Variants in CDH4 observed in about 807,000 individuals in gnomAD.
CDH4 encodes cadherin 4, also known as cadherin-4.
In CDH4, 33 loss-of-function variants were observed where a neutral mutation model predicts 86.0. That is an observed-to-expected ratio of 0.38 (90% CI 0.29 to 0.51). CDH4 has a LOEUF of 0.51. Among genes scored for constraint, CDH4 ranks in the 20% least tolerant of loss-of-function variants. CDH4 has a pLI of 0.86. For synonymous variants in CDH4, 555 were observed against 549.4 expected (o/e 1.01, Z -0.14); for missense variants, 1,114 against 1,307.4 (o/e 0.85, Z 2.28).
At chr20:61,629,961 G>A (rs536239104) in intron 2 of CDH4, among the ~76,000 whole-genome samples, 1 of 152,342 alleles carries the variant, frequency 6.6e-6, no homozygotes, top group African/African-American at 2.4e-5. Context: ...CTGTGGCTCG[G>A]AGGACAGCTG....
intron 2 of CDH4, among the ~76,000 whole-genome samples, chr20:61,415,539 C>T (rs1476016822): frequency 2.0e-5 from 3 of 152,128 alleles, no homozygotes; most frequent in East Asian, 1.9e-4. Context: ...CAGCCGCACT[C>T]TCCCCCGCCC....
chr20:61,463,589 A>G (rs990129846), intron 2 of CDH4, among the ~76,000 whole-genome samples: 2 of 152,226 alleles, frequency 1.3e-5, no homozygotes, highest in East Asian at 3.9e-4. Flanking sequence ...AGTGAAGACA[A>G]TGGCTTCAAA....
chr20:61,662,640 C>T (rs79092406), intron 2 of CDH4, among the ~76,000 whole-genome samples: 33,179 of 152,108 alleles, frequency 0.22, 4,442 homozygotes, highest in Non-Finnish European at 0.3. Flanking sequence ...GCGTCAAGTG[C>T]ACTCAGTCCC....
intron 6 of CDH4, among the ~76,000 whole-genome samples, chr20:61,867,920 G>A (rs142044801): frequency 5.9e-5 from 9 of 152,196 alleles, no homozygotes; most frequent in Non-Finnish European, 7.3e-5. Flanking sequence ...ATCTCAGAAC[G>A]TCCAGGCTCT....
intron 4 of CDH4, among the ~76,000 whole-genome samples, chr20:61,793,864 T>C (rs111254703): frequency 0.29 from 36,955 of 127,398 alleles, 5,377 homozygotes; most frequent in Middle Eastern, 0.51. Context: ...AGAGGCCAGG[T>C]ACGGTGGCTC....
intron 2 of CDH4, among the ~76,000 whole-genome samples, chr20:61,498,942 TCTC>T (rs1475035101): frequency 1.3e-5 from 2 of 152,142 alleles, no homozygotes; most frequent in African/African-American, 2.4e-5. Context: ...CCCCAGCTTC[TCTC>T]CTCGGAATGA....
At chr20:61,682,362 ATGGATGGATGG>A (rs1260320700) in intron 2 of CDH4, among the ~76,000 whole-genome samples, 2 of 144,862 alleles carry the variant, frequency 1.4e-5, no homozygotes, top group African/African-American at 2.5e-5. Flanking sequence ...GAATGGATGG[ATGGATGGATGG>A]TGGATGGATG....
intron 2 of CDH4, among the ~76,000 whole-genome samples, chr20:61,653,645 T>A (rs1339010548): frequency 0.017 from 945 of 56,210 alleles, 8 homozygotes; most frequent in Middle Eastern, 0.051. Context: ...GCTGCCGGGC[T>A]GAGGGGCTCC....
At chr20:61,587,731 G>A (rs960801413) in intron 2 of CDH4, among the ~76,000 whole-genome samples, 8 of 152,240 alleles carry the variant, frequency 5.3e-5, no homozygotes, top group East Asian at 1.9e-4. Flanking sequence ...GTCACCCACC[G>A]TGTTCTCAGC....
At chr20:61,774,156 GC>G (rs1359938972) in intron 4 of CDH4, among the ~76,000 whole-genome samples, 3 of 152,214 alleles carry the variant, frequency 2.0e-5, no homozygotes, top group Non-Finnish European at 4.4e-5. Flanking sequence ...CACAGAGCCG[GC>G]CCTCCCACCT....
At position 61,475,458 on chromosome 20, in the gene CDH4, C is replaced by T. The variant is rs6121590; in HGVS notation, c.169+220521C>T. Reference sequence around the variant, plus strand: ...CTCCCCCATGGAATTTACCTCCCCCCCTCTCTCTCCCTCCTCTCCCTCCCC... The same window carrying T: ...CTCCCCCATGGAATTTACCTCCCCCTCTCTCTCTCCCTCCTCTCCCTCCCC... On this transcript the variant is annotated intron_variant, in intron 2 of 15. Transcript: ENST00000614565. 4.3e-3 allele frequency among the ~76,000 whole-genome samples: 307 copies of T among 72,140 alleles called. 5 individuals carry two copies. Among genetic ancestry groups the T allele is most frequent in the African/African-American group, 0.012 (299 of 24,252 alleles). The allele number at this position is 72,140 out of a possible 152,430, so 47.3% of individuals were successfully genotyped here.
chr20:61,529,832 T>TTTTTC (rs997155615), intron 2 of CDH4, among the ~76,000 whole-genome samples: 1 of 152,090 alleles, frequency 6.6e-6, no homozygotes, highest in African/African-American at 2.4e-5. Context: ...ATCAGTGTAA[T>TTTTTC]TTTTCTTTTC....
At chr20:61,564,410 TC>T (rs2086246413) in intron 2 of CDH4, among the ~76,000 whole-genome samples, 1 of 152,126 alleles carries the variant, frequency 6.6e-6, no homozygotes, top group Middle Eastern at 3.2e-3. Flanking sequence ...TGGGGGTAGA[TC>T]CCTCATGAAT....
chr20:61,256,748 C>T (rs2084100165), intron 2 of CDH4, among the ~76,000 whole-genome samples: 1 of 152,236 alleles, frequency 6.6e-6, no homozygotes, highest in African/African-American at 2.4e-5. Flanking sequence ...TGCAGAGAAT[C>T]TCCCAAGCAC....
At chr20:61,846,647 C>A (rs369666908) in intron 5 of CDH4, among the ~76,000 whole-genome samples, 16 of 152,106 alleles carry the variant, frequency 1.1e-4, no homozygotes, top group Admixed American at 7.9e-4. Flanking sequence ...AGAGACTGAC[C>A]GTGAGAAACA....
chr20:61,772,721 C>T (rs1196785120), intron 3 of CDH4, among the ~76,000 whole-genome samples: 6 of 152,168 alleles, frequency 3.9e-5, no homozygotes, highest in Admixed American at 3.9e-4. Context: ...CTATTGGTGA[C>T]ATTGTCCACT....
intron 2 of CDH4, among the ~76,000 whole-genome samples, chr20:61,713,123 C>G (rs1344334541): frequency 1.3e-5 from 2 of 152,212 alleles, no homozygotes; most frequent in Non-Finnish European, 2.9e-5. Flanking sequence ...TATCCCTCCT[C>G]TCTCTGGGCA....
chr20:61,629,977 C>T (rs186437698), intron 2 of CDH4, among the ~76,000 whole-genome samples: 1 of 152,332 alleles, frequency 6.6e-6, no homozygotes, highest in African/African-American at 2.4e-5. Context: ...AGCTGACTGC[C>T]TTGTCCCAGC....
chr20:61,872,469 C>T (rs749418451), intron 6 of CDH4, among the ~76,000 whole-genome samples: 22 of 152,222 alleles, frequency 1.4e-4, no homozygotes, highest in South Asian at 4.1e-4. Context: ...CACACGGGAA[C>T]GAGCACCTCG....
Sources: gnomAD v4.1 joint callset for allele counts (sites outside exome capture counted in the v4.1 genomes callset) on GRCh38, gnomAD v4.1.1 for gene constraint, MANE v1.5 for transcripts, NCBI Gene and HGNC (gene_info 2026-07-23, HGNC 2026-07-21) for gene names.